Variants in SLC4A10 observed in about 807,000 individuals in gnomAD.
The protein encoded by SLC4A10 is sodium-driven chloride bicarbonate exchanger.
Under a neutral mutation model 137.7 loss-of-function variants are expected in SLC4A10, and 42 were observed. That is an observed-to-expected ratio of 0.30 (90% confidence interval 0.24 to 0.39). SLC4A10 has a LOEUF of 0.39. Ranked by LOEUF, SLC4A10 falls within the 10% of genes least tolerant of loss-of-function variation. The pLI is 1.00. For synonymous variants in SLC4A10, 474 were observed against 464.1 expected (o/e 1.02, Z -0.27); for missense variants, 925 against 1,355.0 (o/e 0.68, Z 4.98).
At chr2:161,872,762 G>A (rs1575389725) in intron 7 of SLC4A10, among the ~76,000 whole-genome samples, 1 of 152,182 alleles carries the variant, frequency 6.6e-6, no homozygotes, top group Non-Finnish European at 1.5e-5. Context: ...CACCCAGGCT[G>A]GAATGCAGTG....
intron 1 of SLC4A10, among the ~76,000 whole-genome samples, chr2:161,649,665 C>A (rs1267694170): frequency 1.3e-5 from 2 of 151,676 alleles, no homozygotes; most frequent in African/African-American, 4.8e-5. Context: ...AGAAGTTTTT[C>A]ATAGGGTAGT....
intron 13 of SLC4A10, 96 bp downstream of exon 13, chr2:161,904,274 GGA>G: frequency 7.6e-7 from 1 of 1,317,018 alleles, no homozygotes; most frequent in Non-Finnish European, 1.0e-6. Context: ...TCTTTTCTGA[GGA>G]GAGATTTGAG....
chr2:161,824,326 C>T (rs1329372747), intron 3 of SLC4A10, among the ~76,000 whole-genome samples: 13 of 152,172 alleles, frequency 8.5e-5, no homozygotes, highest in Admixed American at 8.5e-4. Flanking sequence ...ATGGATTACA[C>T]CATTAAAGAT....
chr2:161,692,683 G>A (rs1307363387), intron 1 of SLC4A10, among the ~76,000 whole-genome samples: 1 of 152,034 alleles, frequency 6.6e-6, no homozygotes, highest in Admixed American at 6.6e-5. Flanking sequence ...AATGATGGCA[G>A]TATTTATCAA....
At chr2:161,886,504 T>G (rs1432718100) in intron 10 of SLC4A10, among the ~76,000 whole-genome samples, 3 of 152,162 alleles carry the variant, frequency 2.0e-5, no homozygotes, top group African/African-American at 7.2e-5. Flanking sequence ...GCAGTCTGAC[T>G]TTGGCACCGT....
At position 161,793,286 on chromosome 2, in the gene SLC4A10, T is replaced by A. The variant is rs146279733; in HGVS notation, c.131-11163T>A. 6.9e-3 allele frequency among the ~76,000 whole-genome samples: 1,058 copies of A among 152,302 alleles called. 13 individuals carry two copies. The highest frequency in any genetic ancestry group is 0.023 in the African/African-American group (953 of 41,570). On this transcript the variant is annotated intron_variant, in intron 2 of 26. Transcript: ENST00000446997. ...CATATGCCTTACCTCACATAGTTAT[T>A]ATTTTTGTAGTGAAAATACTTATCC...
chr2:161,630,825 G>GCAA (rs2033405169), intron 1 of SLC4A10, among the ~76,000 whole-genome samples: 1 of 151,700 alleles, frequency 6.6e-6, no homozygotes, highest in Non-Finnish European at 1.5e-5. Flanking sequence ...ATGAGAAACT[G>GCAA]AGGTCCAGAG....
chr2:161,963,315 G>T (rs1697040100), intron 21 of SLC4A10, among the ~76,000 whole-genome samples: 1 of 152,104 alleles, frequency 6.6e-6, no homozygotes, highest in Non-Finnish European at 1.5e-5. Context: ...GTAATACTAT[G>T]TACTATCTTT....
chr2:161,861,131 G>C (rs1477963788), intron 5 of SLC4A10, among the ~76,000 whole-genome samples: 1 of 152,156 alleles, frequency 6.6e-6, no homozygotes, highest in Non-Finnish European at 1.5e-5. Flanking sequence ...TGGACAAAAA[G>C]AGCTTGTCTT....
chr2:161,854,861 A>C (rs1384519288), intron 4 of SLC4A10, 109 bp from the exon 5 acceptor site: 2 of 1,129,254 alleles, frequency 1.8e-6, no homozygotes, highest in African/African-American at 1.6e-5. Context: ...AAACCTATGA[A>C]CCAAGACACA....
intron 1 of SLC4A10, among the ~76,000 whole-genome samples, chr2:161,754,862 G>T (rs564464373): frequency 1.4e-4 from 22 of 152,134 alleles, no homozygotes; most frequent in African/African-American, 5.3e-4. Flanking sequence ...TAAGGAACAG[G>T]ATTTATTTTT....
intron 15 of SLC4A10, among the ~76,000 whole-genome samples, chr2:161,939,368 C>T (rs1036379587): frequency 6.6e-6 from 1 of 152,148 alleles, no homozygotes. Context: ...AGCCACTGCA[C>T]CTGTCCAGAT....
intron 1 of SLC4A10, among the ~76,000 whole-genome samples, chr2:161,688,987 A>C (rs1346816912): frequency 6.6e-6 from 1 of 152,158 alleles, no homozygotes; most frequent in African/African-American, 2.4e-5. Flanking sequence ...AAAATATGTA[A>C]AAAGTAAAAA....
intron 15 of SLC4A10, among the ~76,000 whole-genome samples, chr2:161,933,322 C>T (rs552016289): frequency 4.9e-5 from 7 of 143,638 alleles, no homozygotes; most frequent in African/African-American, 1.8e-4. Flanking sequence ...ATTTCTCTCT[C>T]TTTTCTCTTT....
intron 13 of SLC4A10, 63 bp downstream of exon 13, chr2:161,904,241 T>A: frequency 6.8e-7 from 1 of 1,475,566 alleles, no homozygotes; most frequent in Non-Finnish European, 9.1e-7. Context: ...CATAGTTAGA[T>A]AAGTGAGCAT....
intron 1 of SLC4A10, among the ~76,000 whole-genome samples, chr2:161,734,481 G>A (rs2047127683): frequency 6.6e-6 from 1 of 151,994 alleles, no homozygotes; most frequent in Admixed American, 6.6e-5. Flanking sequence ...CAAGCCATGT[G>A]GATATGTAAG....
chr2:161,852,247 G>T (rs960594468), intron 4 of SLC4A10, among the ~76,000 whole-genome samples: 11 of 152,022 alleles, frequency 7.2e-5, no homozygotes, highest in Non-Finnish European at 1.6e-4. Flanking sequence ...AAAACTCTAG[G>T]TTTTCTTTAC....
chr2:161,966,070 T>C (rs1475631044), intron 23 of SLC4A10, among the ~76,000 whole-genome samples: 1 of 152,208 alleles, frequency 6.6e-6, no homozygotes, highest in Non-Finnish European at 1.5e-5. Flanking sequence ...ACCATAGATA[T>C]ATTTCCTATT....
At chr2:161,867,443 G>T (rs960215334) in intron 6 of SLC4A10, among the ~76,000 whole-genome samples, 11 of 151,898 alleles carry the variant, frequency 7.2e-5, no homozygotes, top group Non-Finnish European at 1.3e-4. Flanking sequence ...CTTATTAAAA[G>T]ATTTGTGTAT....
Sources: gnomAD v4.1 joint callset for allele counts (sites outside exome capture counted in the v4.1 genomes callset) on GRCh38, gnomAD v4.1.1 for gene constraint, MANE v1.5 for transcripts, NCBI Gene and HGNC (gene_info 2026-07-23, HGNC 2026-07-21) for gene names.